The following RAD51B variants were observed in gnomAD, a reference collection of about 807,000 sequenced individuals.
RAD51B encodes DNA repair protein RAD51 homolog 2.
RAD51B carries 38 observed loss-of-function variants against 42.2 expected under a neutral mutation model. That is an observed-to-expected ratio of 0.90 (90% CI 0.70 to 1.18). The LOEUF (loss-of-function observed/expected upper bound fraction) is 1.18, where lower values mean the gene tolerates loss of function less well. Among genes scored for constraint, RAD51B ranks in the 50% most tolerant of loss-of-function variants. RAD51B has a pLI of 0.00. For synonymous variants in RAD51B, 154 were observed against 145.2 expected (o/e 1.06, Z -0.43); for missense variants, 373 against 400.7 (o/e 0.93, Z 0.59).
At chr14:68,409,030 G>A (rs929825485) in intron 8 of RAD51B, among the ~76,000 whole-genome samples, 3 of 150,292 alleles carry the variant, frequency 2.0e-5, no homozygotes, top group Non-Finnish European at 3.0e-5. Context: ...AGGTGTTGGG[G>A]ACTGATGGCC....
chr14:68,385,889 A>G (rs2083584655), intron 8 of RAD51B, among the ~76,000 whole-genome samples: 1 of 152,210 alleles, frequency 6.6e-6, no homozygotes, highest in Admixed American at 6.5e-5. Flanking sequence ...AGTAGACACT[A>G]TTACATCTCT....
At chr14:68,342,174 G>T (rs760603062) in intron 8 of RAD51B, among the ~76,000 whole-genome samples, 1 of 152,166 alleles carries the variant, frequency 6.6e-6, no homozygotes, top group Non-Finnish European at 1.5e-5. Flanking sequence ...ACAGAACTTT[G>T]TCTTTTATCT....
rs141817656 is a variant in RAD51B at position 68,550,313 on chromosome 14, C to T, written c.1037-44172C>T. On this transcript the variant is annotated intron_variant, in intron 10 of 10. Coordinates refer to the RAD51B transcript ENST00000487270. ...AAGTACCCCTCCAGTGGTTGTATAG[C>T]AGTTGTCTGTTGGGGGACCTTAAGT... 1.2e-4 allele frequency among the ~76,000 whole-genome samples: 19 copies of T among 152,308 alleles called. No individual in the cohort carries two copies. The East Asian group carries it at 3.5e-3, about 28-fold the overall frequency.
In RAD51B at chr14:68,012,580, C is replaced by T. The variant is rs564396733; in HGVS notation, c.756+125376C>T. On this transcript the variant is annotated intron_variant, in intron 7 of 10. Transcript: ENST00000471583. ...ACTACCAGCATTCAAAACGTGCCAG[C>T]AACAAAGCAGGATGAAATTATAGTC... Among the ~76,000 whole-genome samples the T allele has an allele frequency of 1.4e-4, 22 of 152,156 alleles. 1 individual carries two copies. The highest frequency in any genetic ancestry group is 1.4e-3 in the Admixed American group (21 of 15,272).
chr14:68,239,707 A>G (rs1452501035), intron 7 of RAD51B, among the ~76,000 whole-genome samples: 1 of 152,122 alleles, frequency 6.6e-6, no homozygotes. Context: ...TCCACCAGCC[A>G]AAAGAACCAT....
chr14:68,642,523 G>A (rs556492188), intron 10 of RAD51B, among the ~76,000 whole-genome samples: 3 of 152,056 alleles, frequency 2.0e-5, no homozygotes, highest in African/African-American at 4.8e-5. Context: ...CTGATTAAAG[G>A]TTTATTGATC....
rs570058485 is a variant in RAD51B, at chr14:67,921,269, A to ACAGT, written c.756+34068_756+34071dup. Reference sequence around the variant, plus strand: ...GTTGTCCAGGCTGGAGTTCAGTGGTACAGTCATAGCTTACTGCAGCCCTGA... The same window carrying ACAGT: ...GTTGTCCAGGCTGGAGTTCAGTGGTACAGTCAGTCATAGCTTACTGCAGCCCTGA... On this transcript the variant is annotated intron_variant, in intron 7 of 10. Coordinates refer to ENST00000471583, the MANE Select transcript of RAD51B (RefSeq NM_133510.4). Among the ~76,000 whole-genome samples the ACAGT allele has an allele frequency of 6.5e-3, 984 of 152,210 alleles. 4 individuals carry two copies. The highest frequency in any genetic ancestry group is 0.01 in the Non-Finnish European group (685 of 68,014).
intron 11 of RAD51B, among the ~76,000 whole-genome samples, chr14:68,682,287 C>T (rs760532526): frequency 2.0e-5 from 3 of 152,136 alleles, no homozygotes; most frequent in Non-Finnish European, 4.4e-5. Flanking sequence ...ACTAGCTAGT[C>T]AACTTTTCCC....
chr14:68,173,182 C>G (rs894044357), intron 7 of RAD51B, among the ~76,000 whole-genome samples: 15 of 152,170 alleles, frequency 9.9e-5, no homozygotes, highest in African/African-American at 2.4e-4. Flanking sequence ...GTATACTTAG[C>G]TCAGTGTTTA....
rs142003769 is a variant in RAD51B, at chr14:68,630,711, G to A, written c.1037-20070G>A. 9.4e-4 allele frequency among the ~76,000 whole-genome samples: 121 copies of A among 128,772 alleles called. 2 individuals are homozygous for A. In the East Asian group the frequency reaches 0.022, roughly 23 times the overall value. The allele number at this position is 128,772 out of a possible 152,430, so 84.5% of individuals were successfully genotyped here. On this transcript the variant is annotated intron_variant, in intron 10 of 11. Coordinates refer to the RAD51B transcript ENST00000488612. ...ACAACCTTCGGCCGGTAACTTCTAC[G>A]GGCACATCCTTTTTTTCGTATGTTC...
intron 10 of RAD51B, among the ~76,000 whole-genome samples, chr14:68,647,438 CTCT>C (rs1283354146): frequency 6.6e-6 from 1 of 151,994 alleles, no homozygotes; most frequent in Non-Finnish European, 1.5e-5. Flanking sequence ...AAGTAATAGT[CTCT>C]TCTTATTTTT....
downstream of RAD51B, among the ~76,000 whole-genome samples, chr14:68,598,237 C>CTCAT (rs35551157): frequency 0.19 from 28,146 of 151,516 alleles, 2,967 homozygotes; most frequent in African/African-American, 0.28. Flanking sequence ...CAACTCAAAC[C>CTCAT]TCATTCATTC....
chr14:67,874,555 C>A (rs1331403790), intron 5 of RAD51B, among the ~76,000 whole-genome samples: 5 of 152,022 alleles, frequency 3.3e-5, no homozygotes, highest in African/African-American at 9.7e-5. Flanking sequence ...AATTGTGTAG[C>A]CTGGCGCTAA....
intron 10 of RAD51B, chr14:68,497,841 C>T (rs1239298576): frequency 8.5e-5 from 18 of 212,974 alleles, no homozygotes; most frequent in Non-Finnish European, 1.5e-4. Context: ...TGCATCAGTA[C>T]TTCATTCTTT....
At chr14:68,011,057 A>G (rs895399295) in intron 7 of RAD51B, among the ~76,000 whole-genome samples, 1 of 152,092 alleles carries the variant, frequency 6.6e-6, no homozygotes, top group South Asian at 2.1e-4. Context: ...TAATACTTCT[A>G]ATTTTCCAAG....
intron 7 of RAD51B, among the ~76,000 whole-genome samples, chr14:67,943,812 A>G (rs1317736228): frequency 6.6e-6 from 1 of 152,126 alleles, no homozygotes; most frequent in Non-Finnish European, 1.5e-5. Context: ...CGTGGGTTAT[A>G]ATGAGTTAGG....
rs548358116 is a variant in RAD51B, at chr14:68,232,107, A to G, written c.757-59777A>G. On this transcript the variant is annotated intron_variant, in intron 7 of 10. Transcript: ENST00000471583. Reference sequence around the variant, plus strand: ...AGATAAATAGTTGGGAAATATGAGAAGCCTTCCTGACATCAGTAAAATATT... The same window carrying G: ...AGATAAATAGTTGGGAAATATGAGAGGCCTTCCTGACATCAGTAAAATATT... Among the ~76,000 whole-genome samples, 17 of 152,318 alleles carry G rather than the reference A, an allele frequency of 1.1e-4. No individual in the cohort carries two copies. In the South Asian group the frequency reaches 3.3e-3, roughly 30 times the overall value.
chr14:67,857,393 A>G (rs1278160235), intron 4 of RAD51B, among the ~76,000 whole-genome samples: 2 of 152,238 alleles, frequency 1.3e-5, no homozygotes, highest in Non-Finnish European at 1.5e-5. Flanking sequence ...CTCCAAGACT[A>G]TACTGAATCA....
intron 7 of RAD51B, among the ~76,000 whole-genome samples, chr14:68,159,821 A>G (rs1442762828): frequency 1.3e-5 from 2 of 151,938 alleles, no homozygotes; most frequent in African/African-American, 2.4e-5. Context: ...TTTGTTGTCA[A>G]TTTTAGATTT....
Sources: gnomAD v4.1 joint callset for allele counts (sites outside exome capture counted in the v4.1 genomes callset) on GRCh38, gnomAD v4.1.1 for gene constraint, MANE v1.5 for transcripts, NCBI Gene and HGNC (gene_info 2026-07-23, HGNC 2026-07-21) for gene names.